The following CACHD1 variants were observed in gnomAD, a reference collection of about 807,000 sequenced individuals.
CACHD1 encodes VWFA and cache domain-containing protein 1.
CACHD1 carries 71 observed loss-of-function variants against 138.7 expected under a neutral mutation model. The observed-to-expected ratio is 0.51, with a 90% CI of 0.42 to 0.62. The LOEUF (loss-of-function observed/expected upper bound fraction) is 0.62, where lower values mean the gene tolerates loss of function less well. Ranked by LOEUF, CACHD1 falls within the 20% of genes least tolerant of loss-of-function variation. The pLI is 0.00. For synonymous variants in CACHD1, 578 were observed against 591.5 expected (o/e 0.98, Z 0.33); for missense variants, 1,389 against 1,625.3 (o/e 0.85, Z 2.50).
chr1:64,635,233 T>G (rs1259156489), intron 7 of CACHD1, among the ~76,000 whole-genome samples: 1 of 152,060 alleles, frequency 6.6e-6, no homozygotes, highest in Non-Finnish European at 1.5e-5. Context: ...CAGCTTTGCT[T>G]CCTCTTTGAC....
chr1:64,590,322 CA>C (rs67217249), intron 3 of CACHD1, among the ~76,000 whole-genome samples: 61,598 of 86,250 alleles, frequency 0.71, 20,577 homozygotes, highest in East Asian at 0.86. Context: ...GACTCTGTCT[CA>C]AAAAAAAAAA....
chr1:64,662,202 A>C (rs1004462693), intron 13 of CACHD1, among the ~76,000 whole-genome samples: 2 of 152,220 alleles, frequency 1.3e-5, no homozygotes, highest in Non-Finnish European at 2.9e-5. Flanking sequence ...CCCCACATAC[A>C]TACATGCTTT....
chr1:64,686,307 G>T (rs1399946759), intron 26 of CACHD1, among the ~76,000 whole-genome samples: 3 of 152,204 alleles, frequency 2.0e-5, no homozygotes, highest in Non-Finnish European at 4.4e-5. Flanking sequence ...GTTCAGAGTT[G>T]TGATCCTAGA....
At chr1:64,510,734 C>A (rs1646414390) in intron 1 of CACHD1, among the ~76,000 whole-genome samples, 1 of 152,070 alleles carries the variant, frequency 6.6e-6, no homozygotes, top group Non-Finnish European at 1.5e-5. Flanking sequence ...CCAGAAATTG[C>A]CAGAGAGATT....
chr1:64,658,153 G>A (rs1480856017), intron 12 of CACHD1, among the ~76,000 whole-genome samples: 5 of 152,188 alleles, frequency 3.3e-5, no homozygotes, highest in Admixed American at 3.3e-4. Context: ...ATGAGTTTAA[G>A]TAGTGATGTT....
intron 1 of CACHD1, among the ~76,000 whole-genome samples, chr1:64,476,933 T>C (rs1646177322): frequency 6.6e-6 from 1 of 152,196 alleles, no homozygotes; most frequent in African/African-American, 2.4e-5. Context: ...ATTTTGGTAT[T>C]AGATGGAGTG....
At position 64,682,025 on chromosome 1, in the gene CACHD1, G is replaced by A. The variant is rs1359021674; in HGVS notation, c.3505G>A (p.Ala1169Thr). 1 of 1,613,970 alleles carries A rather than the reference G, an allele frequency of 6.2e-7. No individual in the cohort carries two copies. Among genetic ancestry groups the A allele is most frequent in the East Asian group, 2.2e-5 (1 of 44,866 alleles). ...TACAGTCAGCAACACTCGGTTTATA[G>A]CTGCGGTCATCGAACGACATGCACA... ...RGIISNTRFIAAVIERHAHSP... is the reference protein window; with the variant it reads ...RGIISNTRFITAVIERHAHSP... The change falls in exon 26 of 27, where the codon GCT becomes ACT. Residue 1169 changes from alanine (A) to threonine (T), a missense_variant. Ala to Thr is a moderately conservative substitution (Grantham distance 58). Transcript: ENST00000651257.
In CACHD1 at chr1:64,649,188, C is replaced by T. The variant is rs574124053; in HGVS notation, c.1390+1154C>T. Among the ~76,000 whole-genome samples, 221 of 152,230 alleles carry T rather than the reference C, an allele frequency of 1.5e-3. 1 individual carries two copies. The highest frequency in any genetic ancestry group is 2.7e-3 in the Admixed American group (41 of 15,282). On this transcript the variant is annotated intron_variant, in intron 9 of 26. Transcript: ENST00000651257. ...TTTCTATAAGGAAGAAATAAGCCAA[C>T]TGCCATTATGTCTCAATTTTTATTT...
chr1:64,638,211 T>G (rs1648587396), intron 7 of CACHD1, among the ~76,000 whole-genome samples: 1 of 152,206 alleles, frequency 6.6e-6, no homozygotes, highest in South Asian at 2.1e-4. Flanking sequence ...TATTCTAGTG[T>G]AAACTCTATA....
At chr1:64,669,464 C>A (rs1475597082) in intron 16 of CACHD1, among the ~76,000 whole-genome samples, 1 of 152,206 alleles carries the variant, frequency 6.6e-6, no homozygotes, top group African/African-American at 2.4e-5. Context: ...TCTAATTCAA[C>A]ACTCACTTAT....
In CACHD1 at chr1:64,686,281, G is replaced by A. The variant is rs141224793; in HGVS notation, c.3586+4175G>A. 8.2e-3 allele frequency among the ~76,000 whole-genome samples: 1,244 copies of A among 152,240 alleles called. 18 individuals are homozygous for A. Among genetic ancestry groups the A allele is most frequent in the African/African-American group, 0.028 (1,170 of 41,532 alleles). On this transcript the variant is annotated intron_variant, in intron 26 of 26. Coordinates refer to ENST00000651257, the MANE Select transcript of CACHD1 (RefSeq NM_020925.4). The stretch of plus-strand genomic sequence containing the variant: ...AAATACATGACTACACAACGGCCTC[G>A]GCTCTCATGGTATGAGTTCAGAGTT...
At chr1:64,499,815 T>C (rs551420528) in intron 1 of CACHD1, among the ~76,000 whole-genome samples, 2 of 152,346 alleles carry the variant, frequency 1.3e-5, no homozygotes, top group South Asian at 4.1e-4. Context: ...AAGCACATAT[T>C]ACTATGTTAC....
intron 4 of CACHD1, among the ~76,000 whole-genome samples, chr1:64,621,580 G>A (rs189160766): frequency 5.3e-4 from 80 of 152,300 alleles, no homozygotes; most frequent in Admixed American, 1.0e-3. Flanking sequence ...TATAAGAGAG[G>A]ATAAGAATCG....
At chr1:64,528,849 T>TA (rs1646560301) in intron 1 of CACHD1, among the ~76,000 whole-genome samples, 1 of 152,128 alleles carries the variant, frequency 6.6e-6, no homozygotes, top group Non-Finnish European at 1.5e-5. Flanking sequence ...TTTTTCCATT[T>TA]AAAAAATATC....
intron 3 of CACHD1, among the ~76,000 whole-genome samples, chr1:64,584,759 T>C (rs1329516039): frequency 6.6e-6 from 1 of 152,182 alleles, no homozygotes; most frequent in Non-Finnish European, 1.5e-5. Flanking sequence ...TTATACTATT[T>C]GTTGGAATCT....
chr1:64,490,219 G>A (rs1180263913), intron 1 of CACHD1, among the ~76,000 whole-genome samples: 1 of 152,224 alleles, frequency 6.6e-6, no homozygotes, highest in African/African-American at 2.4e-5. Flanking sequence ...AAGGGCAGAA[G>A]CAGCCCTCTC....
At position 64,663,542 on chromosome 1, in the gene CACHD1, C is replaced by T. The variant is rs544577689; in HGVS notation, c.1952-153C>T. On this transcript the variant is annotated intron_variant, in intron 13 of 26. Transcript: ENST00000651257. ...CACCAGCCTGGGCCACAGAGCGAGA[C>T]TCCATCTGAAAAAAAAAAAAAAAGA... Among the ~76,000 whole-genome samples the T allele has an allele frequency of 2.9e-5, 4 of 139,402 alleles. No individual in the cohort carries two copies. In the South Asian group the frequency reaches 9.6e-4, roughly 33 times the overall value. The allele number at this position is 139,402 out of a possible 152,430, so 91.5% of individuals were successfully genotyped here.
intron 1 of CACHD1, among the ~76,000 whole-genome samples, chr1:64,510,877 A>G (rs1646415191): frequency 6.6e-6 from 1 of 152,158 alleles, no homozygotes; most frequent in Non-Finnish European, 1.5e-5. Flanking sequence ...AGTTCAATGC[A>G]TGTATAATTG....
intron 1 of CACHD1, among the ~76,000 whole-genome samples, chr1:64,549,457 C>A (rs1004976330): frequency 6.6e-6 from 1 of 152,104 alleles, no homozygotes; most frequent in Non-Finnish European, 1.5e-5. Flanking sequence ...GTAATTTCAT[C>A]CTAGTCCTTC....
Sources: gnomAD v4.1 joint callset for allele counts (sites outside exome capture counted in the v4.1 genomes callset) on GRCh38, gnomAD v4.1.1 for gene constraint, MANE v1.5 for transcripts, NCBI Gene and HGNC (gene_info 2026-07-23, HGNC 2026-07-21) for gene names.